Variants in APBA1 observed in about 807,000 individuals in gnomAD.
APBA1 encodes amyloid beta precursor protein binding family A member 1.
In APBA1, 55 loss-of-function variants were observed where a neutral mutation model predicts 86.6. That is an observed-to-expected ratio of 0.64 (90% CI 0.51 to 0.80). The LOEUF is 0.80. Among genes scored for constraint, APBA1 ranks in the 30% least tolerant of loss-of-function variants. The probability of loss-of-function intolerance (pLI) is 0.00; values close to 1 mark genes in which losing one functional copy is unlikely to be tolerated. For missense variants in APBA1, 1,090 were observed against 1,183.0 expected (o/e 0.92, Z 1.15); for synonymous variants, 511 against 493.9 (o/e 1.03, Z -0.46).
chr9:69,655,328 A>G (rs866504517), intron 1 of APBA1, among the ~76,000 whole-genome samples: 1 of 146,690 alleles, frequency 6.8e-6, no homozygotes, highest in Non-Finnish European at 1.6e-5. Flanking sequence ...GTGTATATAT[A>G]TATGTATATT....
chr9:69,633,259 C>G (rs1823086392), intron 1 of APBA1, among the ~76,000 whole-genome samples: 1 of 152,082 alleles, frequency 6.6e-6, no homozygotes, highest in African/African-American at 2.4e-5. Context: ...TAGTCCTGAA[C>G]ATATCTTTTT....
intron 7 of APBA1, 136 bp downstream of exon 7, chr9:69,456,917 C>T (rs1835107776): frequency 1.4e-6 from 1 of 709,840 alleles, no homozygotes; most frequent in East Asian, 2.7e-5. Flanking sequence ...ACTGTGAACA[C>T]CACCTTCTAG....
chr9:69,552,255 A>G (rs1402220751), intron 1 of APBA1, among the ~76,000 whole-genome samples: 1 of 152,248 alleles, frequency 6.6e-6, no homozygotes, highest in East Asian at 1.9e-4. Flanking sequence ...GGTGATTATT[A>G]CATTTAGGCT....
At chr9:69,466,312 T>C in intron 5 of APBA1, among the ~76,000 whole-genome samples, 1 of 152,178 alleles carries the variant, frequency 6.6e-6, no homozygotes, top group East Asian at 1.9e-4. Flanking sequence ...GCATCATATT[T>C]ACGGTGTTGG....
intron 2 of APBA1, among the ~76,000 whole-genome samples, chr9:69,515,704 G>A (rs1453689128): frequency 9.4e-6 from 1 of 105,834 alleles, no homozygotes; most frequent in Non-Finnish European, 1.9e-5. Context: ...GGGGGGGGGG[G>A]CGGGGGGTGG....
rs1564057538 is a variant in APBA1 at position 69,501,632 on chromosome 9, ACAC to A, written c.1200+14376_1200+14378del. Among the ~76,000 whole-genome samples the A allele has an allele frequency of 4.8e-3, 14 of 2,918 alleles. 1 individual carries two copies. The highest frequency in any genetic ancestry group is 9.8e-3 in the African/African-American group (14 of 1,424). The allele number at this position is 2,918 out of a possible 152,430, so 1.9% of individuals were successfully genotyped here. On this transcript the variant is annotated intron_variant, in intron 2 of 12. Coordinates refer to ENST00000265381, the MANE Select transcript of APBA1 (RefSeq NM_001163.4). ...TAACAAGACTCTGTCTCTACAAAACACACACACACACACACACACACACACACA... is the reference window on the plus strand; with the variant it reads ...TAACAAGACTCTGTCTCTACAAAACAACACACACACACACACACACACACA...
chr9:69,573,790 T>C (rs922698876), intron 1 of APBA1, among the ~76,000 whole-genome samples: 2 of 152,210 alleles, frequency 1.3e-5, no homozygotes, highest in African/African-American at 4.8e-5. Context: ...TGGGGTCCTG[T>C]GGAAAAGGAA....
chr9:69,445,841 T>A (rs573340629), intron 10 of APBA1, among the ~76,000 whole-genome samples: 185 of 152,274 alleles, frequency 1.2e-3, no homozygotes, highest in Middle Eastern at 3.4e-3. Flanking sequence ...ACACTTTGGA[T>A]CCCTGTTCCT....
At chr9:69,569,858 A>G (rs1439168243) in intron 1 of APBA1, among the ~76,000 whole-genome samples, 1 of 152,222 alleles carries the variant, frequency 6.6e-6, no homozygotes. Flanking sequence ...GCAGATATGA[A>G]CAGCCTGAAT....
At chr9:69,489,703 AG>A (rs199989476) in intron 2 of APBA1, among the ~76,000 whole-genome samples, 6,801 of 152,186 alleles carry the variant, frequency 0.045, 534 homozygotes, top group African/African-American at 0.15. Flanking sequence ...ACATTTATGC[AG>A]CCAAAAAACA....
At chr9:69,624,904 A>G (rs942674260) in intron 1 of APBA1, among the ~76,000 whole-genome samples, 1 of 152,132 alleles carries the variant, frequency 6.6e-6, no homozygotes, top group African/African-American at 2.4e-5. Flanking sequence ...TTTTATTCCT[A>G]TTGAAAAGGA....
At chr9:69,522,396 A>G (rs1283009839) in intron 1 of APBA1, among the ~76,000 whole-genome samples, 1 of 151,994 alleles carries the variant, frequency 6.6e-6, no homozygotes, top group Non-Finnish European at 1.5e-5. Context: ...TCTATCTTAA[A>G]TCTTTGCTGC....
In APBA1 at chr9:69,496,585, C is replaced by T. The variant is rs562914708; in HGVS notation, c.1200+19426G>A. Among the ~76,000 whole-genome samples the T allele has an allele frequency of 5.3e-5, 8 of 152,140 alleles. 1 individual carries two copies. In the South Asian group the frequency reaches 6.2e-4, roughly 12 times the overall value. On this transcript the variant is annotated intron_variant, in intron 2 of 12. Transcript: ENST00000265381. ...TTTCTGACCACTCTTGTTGGCAGTC[C>T]GATTGCACCTACTCTAATCCGAATC...
chr9:69,671,345 C>T (rs1332686886), intron 1 of APBA1, among the ~76,000 whole-genome samples: 1 of 152,138 alleles, frequency 6.6e-6, no homozygotes, highest in South Asian at 2.1e-4. Context: ...CATTAGCAAG[C>T]CCAGAATGTG....
rs1027104070 is a variant in APBA1, at chr9:69,457,290, A to T, written c.1516-151T>A. On this transcript the variant is annotated intron_variant, in intron 6 of 12. Transcript: ENST00000265381. ...GGGTTAAACTGCCAAAGCTGAAGTTACCACACAGAGGATGGACACATGGAC... is the reference window on the plus strand; with the variant it reads ...GGGTTAAACTGCCAAAGCTGAAGTTTCCACACAGAGGATGGACACATGGAC... 8.1e-6 allele frequency: 5 copies of T among 620,764 alleles called. No individual in the cohort carries two copies. The Admixed American group carries it at 1.2e-4, about 15-fold the overall frequency. 38.5% of individuals were successfully genotyped at this position (620,764 alleles called of 1,614,324 possible).
At position 69,517,296 on chromosome 9, in the gene APBA1, G is replaced by C. The variant is rs1015215072; in HGVS notation, c.-69-17C>G. ...TCCACTGGGCTGGAAAAACAAGAAGGGGAGAGGCTGTCACGTGGTGCAAAC... is the reference window on the plus strand; with the variant it reads ...TCCACTGGGCTGGAAAAACAAGAAGCGGAGAGGCTGTCACGTGGTGCAAAC... On this transcript the variant is annotated splice_polypyrimidine_tract_variant and intron_variant, in intron 1 of 12. Transcript: ENST00000265381. The C allele has an allele frequency of 7.1e-5, 100 of 1,400,410 alleles. No homozygotes were observed. The highest frequency in any genetic ancestry group is 8.4e-5 in the Non-Finnish European group (91 of 1,082,428). The allele number at this position is 1,400,410 out of a possible 1,614,324, so 86.7% of individuals were successfully genotyped here.
intron 2 of APBA1, among the ~76,000 whole-genome samples, chr9:69,489,691 AGAC>A (rs1240029965): frequency 6.6e-6 from 1 of 151,058 alleles, no homozygotes; most frequent in Non-Finnish European, 1.5e-5. Flanking sequence ...TCTCAAATGA[AGAC>A]ATTTATGCAG....
intron 1 of APBA1, among the ~76,000 whole-genome samples, chr9:69,589,640 T>C (rs1588381002): frequency 6.6e-6 from 1 of 152,140 alleles, no homozygotes; most frequent in Non-Finnish European, 1.5e-5. Flanking sequence ...GGGTAGTCTT[T>C]AGTGTATTAA....
At chr9:69,550,268 T>G (rs146829004) in intron 1 of APBA1, among the ~76,000 whole-genome samples, 2,121 of 152,314 alleles carry the variant, frequency 0.014, 21 homozygotes, top group Non-Finnish European at 0.02. Context: ...TGATGGAAAA[T>G]TATGCAATTT....
Sources: allele counts gnomAD v4.1 joint callset (sites outside exome capture counted in the v4.1 genomes callset), GRCh38; gene constraint gnomAD v4.1.1; transcripts MANE v1.5; gene names NCBI Gene and HGNC (gene_info 2026-07-23, HGNC 2026-07-21).